The following PRSS35 variants were observed in gnomAD, a reference collection of about 807,000 sequenced individuals.
The protein encoded by PRSS35 is serine protease 35.
In PRSS35, 7 loss-of-function variants were observed where a neutral mutation model predicts 8.1. That is an observed-to-expected ratio of 0.86 (90% CI 0.49 to 1.62). The LOEUF is 1.62. PRSS35 is among the 40% of genes most tolerant of loss of function. The pLI is 0.00. For missense variants in PRSS35, 566 were observed against 518.0 expected (o/e 1.09, Z -0.90); for synonymous variants, 199 against 188.7 (o/e 1.05, Z -0.45).
chr6:83,519,946 AG>A (rs768940217), intron 1 of PRSS35, among the ~76,000 whole-genome samples: 3 of 152,084 alleles, frequency 2.0e-5, no homozygotes, highest in Non-Finnish European at 2.9e-5. Flanking sequence ...GAGATATTGG[AG>A]GCATTACATA....
chr6:83,523,897 G>C lies in PRSS35; in HGVS notation c.456G>C (p.Thr152=). The change falls in exon 2 of 2, where the codon ACG becomes ACC. Residue 152 remains threonine (T), a synonymous_variant. Coordinates refer to ENST00000369700, the MANE Select transcript of PRSS35 (RefSeq NM_153362.3). ...FPFSTAVKLS[T]GCSGILISPQ... ...TCAGCACAGCTGTGAAGCTTTCCACGGGCTGTAGTGGCATTCTCATTTCCC... is the reference window on the plus strand; with the variant it reads ...TCAGCACAGCTGTGAAGCTTTCCACCGGCTGTAGTGGCATTCTCATTTCCC... The C allele has an allele frequency of 6.2e-7, 1 of 1,614,110 alleles. No individual in the cohort carries two copies. Among genetic ancestry groups the C allele is most frequent in the Non-Finnish European group, 8.5e-7 (1 of 1,180,024 alleles).
rs1562035121 is a variant in PRSS35 at position 83,523,755 on chromosome 6, T to A, written c.314T>A (p.Leu105His). 6.2e-7 allele frequency: 1 copy of A among 1,614,186 alleles called. No homozygotes were observed. Reference protein sequence around the residue: ...LTRVKVQDLVLEPTQNITTKG... With the variant: ...LTRVKVQDLVHEPTQNITTKG... ...AGGGTGAAAGTTCAAGATTTGGTTCTTGAGCCGACTCAAAATATCACCACA... is the reference window on the plus strand; with the variant it reads ...AGGGTGAAAGTTCAAGATTTGGTTCATGAGCCGACTCAAAATATCACCACA... Residue 105 changes from leucine (L) to histidine (H), a missense_variant, in exon 2 of 2, where the codon CTT becomes CAT. Coordinates refer to ENST00000369700, the MANE Select transcript of PRSS35 (RefSeq NM_153362.3).
At chr6:83,514,175 T>C (rs542743641) in intron 1 of PRSS35, among the ~76,000 whole-genome samples, 5 of 152,306 alleles carry the variant, frequency 3.3e-5, no homozygotes, top group Admixed American at 6.5e-5. Flanking sequence ...CATACCTATT[T>C]ATAGATATTC....
chr6:83,514,034 C>G (rs1048763397), intron 1 of PRSS35, among the ~76,000 whole-genome samples: 4 of 152,162 alleles, frequency 2.6e-5, no homozygotes, highest in Admixed American at 2.6e-4. Flanking sequence ...GGTTAGGAAA[C>G]AGTAAAGTTA....
At chr6:83,515,838 C>G (rs1015586201) in intron 1 of PRSS35, among the ~76,000 whole-genome samples, 1 of 146,992 alleles carries the variant, frequency 6.8e-6, no homozygotes, top group Non-Finnish European at 1.5e-5. Flanking sequence ...TTTTTTTTGA[C>G]GGAGTCTCGC....
intron 1 of PRSS35, among the ~76,000 whole-genome samples, chr6:83,513,893 C>T (rs529778919): frequency 6.6e-6 from 1 of 152,060 alleles, no homozygotes; most frequent in Non-Finnish European, 1.5e-5. Flanking sequence ...TGATTTTCCT[C>T]TGCCCAATGC....
At chr6:83,516,748 C>T (rs534124823) in intron 1 of PRSS35, among the ~76,000 whole-genome samples, 3 of 152,190 alleles carry the variant, frequency 2.0e-5, no homozygotes, top group South Asian at 2.1e-4. Context: ...AGAGGCCACT[C>T]ATATTCCTCA....
Position 83,523,902 on chromosome 6 carries a change from G to A in PRSS35, c.461G>A (p.Cys154Tyr), listed in dbSNP as rs747151838. 7 of 1,614,208 alleles carry A rather than the reference G, an allele frequency of 4.3e-6. No individual in the cohort carries two copies. The South Asian group carries it at 4.4e-5, about 10-fold the overall frequency. Residue 154 changes from cysteine to tyrosine, a missense_variant, in exon 2 of 2, where the codon TGT becomes TAT. Physicochemically the swap from Cys to Tyr is radical, Grantham distance 194 (BLOSUM62 -2). Coordinates refer to ENST00000369700, the MANE Select transcript of PRSS35 (RefSeq NM_153362.3). ...FSTAVKLSTG[C>Y]SGILISPQHV... ...ACAGCTGTGAAGCTTTCCACGGGCT[G>A]TAGTGGCATTCTCATTTCCCCTCAG...
chr6:83,524,317 A>T lies in PRSS35; in HGVS notation c.876A>T (p.Glu292Asp). The T allele has an allele frequency of 6.2e-7, 1 of 1,614,120 alleles. No homozygotes were observed. Among genetic ancestry groups the T allele is most frequent in the Non-Finnish European group, 8.5e-7 (1 of 1,180,042 alleles). Residue 292 changes from glutamate to aspartate, a missense_variant, in exon 2 of 2, where the codon GAA (glutamate) becomes GAT (aspartate). By Grantham distance (45) the Glu-to-Asp change is conservative. Transcript: ENST00000369700. ...LKRAHKKKYM[E>D]LGISPTIKKM... is the part of the protein sequence containing the mutation. ...GTGCTCACAAAAAGAAATACATGGA[A>T]CTTGGAATCAGCCCAACGATCAAGA...
In PRSS35 at chr6:83,523,604, A is replaced by G; in HGVS notation, c.163A>G (p.Lys55Glu). The G allele has an allele frequency of 1.2e-6, 2 of 1,614,202 alleles. No individual in the cohort carries two copies. The highest frequency in any genetic ancestry group is 1.7e-6 in the Non-Finnish European group (2 of 1,180,036). The change falls in exon 2 of 2, where the codon AAG (lysine) becomes GAG (glutamate). Residue 55 changes from lysine to glutamate, a missense_variant. By Grantham distance (56) the Lys-to-Glu change is moderately conservative (BLOSUM62 1). Coordinates refer to ENST00000369700, the MANE Select transcript of PRSS35 (RefSeq NM_153362.3). ...LTSPAFEADA[K>E]MMVNTVCGIE... Reference sequence around the variant, plus strand: ...CAGCCCCGCATTTGAGGCAGATGCTAAGATGATGGTAAATACAGTGTGTGG... The same window carrying G: ...CAGCCCCGCATTTGAGGCAGATGCTGAGATGATGGTAAATACAGTGTGTGG...
rs1248020826 is a variant in PRSS35 at position 83,524,021 on chromosome 6, A to G, written c.580A>G (p.Lys194Glu). ...LRVGLLKMRN[K>E]SGGKKRRGSK... ...GGTAGGGTTGTTGAAGATGAGGAAT[A>G]AAAGTGGAGGCAAGAAACGTCGAGG... Residue 194 changes from lysine (K) to glutamate (E), a missense_variant, in exon 2 of 2, where the codon AAA (lysine) becomes GAA (glutamate). By Grantham distance (56) the Lys-to-Glu change is moderately conservative. Coordinates refer to ENST00000369700, the MANE Select transcript of PRSS35 (RefSeq NM_153362.3). The G allele has an allele frequency of 6.2e-7, 1 of 1,614,164 alleles. No homozygotes were observed. The highest frequency in any genetic ancestry group is 8.5e-7 in the Non-Finnish European group (1 of 1,180,034).
At chr6:83,515,949 G>A (rs1562032757) in intron 1 of PRSS35, among the ~76,000 whole-genome samples, 1 of 151,998 alleles carries the variant, frequency 6.6e-6, no homozygotes, top group Non-Finnish European at 1.5e-5. Flanking sequence ...CCAGTAGCTG[G>A]GATTACAGGT....
chr6:83,523,901 T>A lies in PRSS35; in HGVS notation c.460T>A (p.Cys154Ser). ...FSTAVKLSTGCSGILISPQHV... is the reference protein window; with the variant it reads ...FSTAVKLSTGSSGILISPQHV... ...CACAGCTGTGAAGCTTTCCACGGGC[T>A]GTAGTGGCATTCTCATTTCCCCTCA... The change falls in exon 2 of 2, where the codon TGT (cysteine) becomes AGT (serine). Residue 154 changes from cysteine (C) to serine (S), a missense_variant. By Grantham distance (112) the Cys-to-Ser change is moderately radical. Coordinates refer to ENST00000369700, the MANE Select transcript of PRSS35 (RefSeq NM_153362.3). The A allele has an allele frequency of 6.2e-7, 1 of 1,614,176 alleles. No homozygotes were observed. The highest frequency in any genetic ancestry group is 8.5e-7 in the Non-Finnish European group (1 of 1,180,024).
At position 83,524,396 on chromosome 6, in the gene PRSS35, C is replaced by G; in HGVS notation, c.955C>G (p.Gln319Glu). Residue 319 changes from glutamine to glutamate, a missense_variant, in exon 2 of 2, where the codon CAG becomes GAG. Transcript: ENST00000369700. ...AGGATTTGATAACGATAGGGCTGAT[C>G]AGTTGGTCTATCGGTTTTGCAGTGT... ...FSGFDNDRAD[Q>E]LVYRFCSVSD... is the part of the protein sequence containing the mutation. 6.2e-7 allele frequency: 1 copy of G among 1,614,158 alleles called. No homozygotes were observed. The highest frequency in any genetic ancestry group is 8.5e-7 in the Non-Finnish European group (1 of 1,180,036).
At position 83,512,621 on chromosome 6, in the gene PRSS35, A is replaced by G. The variant is rs1208916820; in HGVS notation, c.-94A>G. The stretch of plus-strand genomic sequence containing the variant: ...GGCTGGCTGAGAGGCTCCCAGCTGC[A>G]GCGTCCCCGCCCGCCTCCTCGGGAG... On this transcript the variant is annotated 5_prime_UTR_variant, in exon 1 of 2. Transcript: ENST00000369700. 1 of 152,192 alleles carries G rather than the reference A, an allele frequency of 6.6e-6. No homozygotes were observed. The highest frequency in any genetic ancestry group is 1.5e-5 in the Non-Finnish European group (1 of 68,120). The allele number at this position is 152,192 out of a possible 1,614,324, so 9.4% of individuals were successfully genotyped here.
chr6:83,516,589 A>G (rs1016172092), intron 1 of PRSS35, among the ~76,000 whole-genome samples: 5 of 152,138 alleles, frequency 3.3e-5, no homozygotes, highest in African/African-American at 1.2e-4. Context: ...AAAAAAAAAA[A>G]AAAAAAGAAA....
At position 83,523,716 on chromosome 6, in the gene PRSS35, C is replaced by A. The variant is rs1583460394; in HGVS notation, c.275C>A (p.Thr92Asn). 3 of 1,614,192 alleles carry A rather than the reference C, an allele frequency of 1.9e-6. No individual in the cohort carries two copies. The highest frequency in any genetic ancestry group is 1.1e-5 in the South Asian group (1 of 91,090). Residue 92 changes from threonine to asparagine, a missense_variant, in exon 2 of 2, where the codon ACC becomes AAC. Transcript: ENST00000369700. ...TATGAGACTGTCTTTGAGAATGGCA[C>A]CCGAACCTTAACCAGGGTGAAAGTT... Reference protein sequence around the residue: ...LSYETVFENGTRTLTRVKVQD... With the variant: ...LSYETVFENGNRTLTRVKVQD...
intron 1 of PRSS35, among the ~76,000 whole-genome samples, chr6:83,518,340 T>C (rs1269129780): frequency 6.6e-6 from 1 of 152,204 alleles, no homozygotes; most frequent in African/African-American, 2.4e-5. Context: ...GATCACTCCC[T>C]TAGAGTAATT....
In PRSS35 at chr6:83,525,105, A is replaced by T. The variant is rs148773679; in HGVS notation, c.*422A>T. On this transcript the variant is annotated 3_prime_UTR_variant, in exon 2 of 2. Coordinates refer to ENST00000369700, the MANE Select transcript of PRSS35 (RefSeq NM_153362.3). ...CATAGATAAAGGTAGATGGTAAAGC[A>T]ATTAGTATCAGAATAGAGACAGAAA... 1 of 177,602 alleles carries T rather than the reference A, an allele frequency of 5.6e-6. No homozygotes were observed. The highest frequency in any genetic ancestry group is 1.3e-5 in the Non-Finnish European group (1 of 74,752). 11.0% of individuals were successfully genotyped at this position (177,602 alleles called of 1,614,324 possible). A position where few individuals can be genotyped will look rare whatever the true frequency, so the allele number is the denominator to read the frequency against.
Sources: allele counts gnomAD v4.1 joint callset (sites outside exome capture counted in the v4.1 genomes callset), GRCh38; gene constraint gnomAD v4.1.1; transcripts MANE v1.5; gene names NCBI Gene and HGNC (gene_info 2026-07-23, HGNC 2026-07-21).